Variants in STAU2 observed in about 807,000 individuals in gnomAD.
The protein encoded by STAU2 is staufen double-stranded RNA binding protein 2, also known as double-stranded RNA-binding protein Staufen homolog 2.
A neutral mutation model predicts 65.9 loss-of-function variants in STAU2; 20 were observed. The observed-to-expected ratio is 0.30, with a 90% confidence interval of 0.21 to 0.44. The LOEUF (loss-of-function observed/expected upper bound fraction) is 0.44, where lower values mean the gene tolerates loss of function less well. Ranked by LOEUF, STAU2 falls within the 20% of genes least tolerant of loss-of-function variation. The pLI is 1.00. For missense variants in STAU2, 558 were observed against 683.9 expected (o/e 0.82, Z 2.05); for synonymous variants, 232 against 233.9 (o/e 0.99, Z 0.07).
intron 13 of STAU2, among the ~76,000 whole-genome samples, chr8:73,464,969 C>A (rs1462672652): frequency 6.6e-6 from 1 of 152,176 alleles, no homozygotes; most frequent in Non-Finnish European, 1.5e-5. Flanking sequence ...AGGATGCCAC[C>A]ATTTTCTCAG....
chr8:73,421,397 C>A lies in STAU2; in HGVS notation c.1688G>T (p.Cys563Phe), dbSNP rs896530336. 6.5e-7 allele frequency: 1 copy of A among 1,537,134 alleles called. No homozygotes were observed. The highest frequency in any genetic ancestry group is 1.4e-5 in the African/African-American group (1 of 73,044). ...QAPPGSIAQD[C>F]KKSNSAV ...CTAGACGGCCGAGTTTGATTTCTTG[C>A]AGTCCTGAGCGATGGAGCCCGGGGG... is the stretch of plus-strand genomic sequence containing the variant. Residue 563 changes from cysteine (C) to phenylalanine (F), a missense_variant, in exon 15 of 15, where the codon TGC becomes TTC. By Grantham distance (205) the Cys-to-Phe change is radical. Coordinates refer to ENST00000524300, the MANE Select transcript of STAU2 (RefSeq NM_001164380.2).
intron 10 of STAU2, among the ~76,000 whole-genome samples, chr8:73,596,960 T>C (rs1272502012): frequency 6.6e-6 from 1 of 152,032 alleles, no homozygotes; most frequent in Non-Finnish European, 1.5e-5. Context: ...AAATAATCCA[T>C]GGACATATAT....
At chr8:73,496,604 G>A (rs1290936022) in intron 13 of STAU2, among the ~76,000 whole-genome samples, 1 of 151,568 alleles carries the variant, frequency 6.6e-6, no homozygotes, top group Non-Finnish European at 1.5e-5. Flanking sequence ...ATATAGTGCA[G>A]GCTACATATG....
chr8:73,658,911 T>C (rs1308501725), intron 6 of STAU2, among the ~76,000 whole-genome samples: 1 of 136,888 alleles, frequency 7.3e-6, no homozygotes, highest in Non-Finnish European at 1.6e-5. Flanking sequence ...AAACTCCGTC[T>C]CAAAAAACAA....
At position 73,736,931 on chromosome 8, in the gene STAU2, C is replaced by A. The variant is rs541401113; in HGVS notation, c.-18+1353G>T. Among the ~76,000 whole-genome samples the A allele has an allele frequency of 1.3e-4, 20 of 152,294 alleles. No homozygotes were observed. In the East Asian group the frequency reaches 3.9e-3, roughly 29 times the overall value. The stretch of plus-strand genomic sequence containing the variant: ...CCAGGCTGGAGTGCAGTGGTGTGAT[C>A]TCAGCTCACTGCAACCTCCGTCTGC... On this transcript the variant is annotated intron_variant, in intron 3 of 14. Coordinates refer to ENST00000524300, the MANE Select transcript of STAU2 (RefSeq NM_001164380.2).
chr8:73,421,321 G>T lies in STAU2; in HGVS notation c.*51C>A, dbSNP rs541378678. ...TCCCTGAACACAGACACCCTCATGC[G>T]TGCTGACAGGTTTATAAGGATGCGG... On this transcript the variant is annotated 3_prime_UTR_variant, in exon 15 of 15. Coordinates refer to ENST00000524300, the MANE Select transcript of STAU2 (RefSeq NM_001164380.2). The T allele has an allele frequency of 1.9e-5, 28 of 1,468,514 alleles. No individual in the cohort carries two copies. The South Asian group carries it at 2.2e-4, about 11-fold the overall frequency. 91.0% of individuals were successfully genotyped at this position (1,468,514 alleles called of 1,614,324 possible).
At chr8:73,610,344 C>T (rs1161780528) in intron 9 of STAU2, among the ~76,000 whole-genome samples, 1 of 151,782 alleles carries the variant, frequency 6.6e-6, no homozygotes, top group Non-Finnish European at 1.5e-5. Context: ...CAAGACCAGC[C>T]TGGCCAACAC....
At chr8:73,431,985 T>A (rs1211808800) in intron 13 of STAU2, among the ~76,000 whole-genome samples, 1 of 152,250 alleles carries the variant, frequency 6.6e-6, no homozygotes, top group Non-Finnish European at 1.5e-5. Flanking sequence ...TTGTGACACG[T>A]AGTTCTTTGT....
intron 3 of STAU2, among the ~76,000 whole-genome samples, chr8:73,721,549 C>T (rs1022144273): frequency 6.6e-6 from 1 of 152,116 alleles, no homozygotes; most frequent in Admixed American, 6.5e-5. Context: ...TTTCTCCTTG[C>T]ATTTCTATCA....
chr8:73,433,940 C>A (rs558066166), intron 13 of STAU2, among the ~76,000 whole-genome samples: 1 of 151,860 alleles, frequency 6.6e-6, no homozygotes, highest in Non-Finnish European at 1.5e-5. Context: ...AGAATCGTAG[C>A]GCCCCAGATG....
intron 6 of STAU2, among the ~76,000 whole-genome samples, chr8:73,618,506 G>A (rs1406067822): frequency 6.6e-6 from 1 of 152,144 alleles, no homozygotes; most frequent in Non-Finnish European, 1.5e-5. Context: ...AGTTTAGGGA[G>A]ACAGGAAAAG....
intron 12 of STAU2, among the ~76,000 whole-genome samples, chr8:73,560,633 G>A (rs1020246414): frequency 8.5e-5 from 13 of 152,094 alleles, no homozygotes; most frequent in Admixed American, 4.6e-4. Context: ...CAGTACCAAC[G>A]GGAAAATGCA....
chr8:73,730,590 G>A (rs1805978250), intron 3 of STAU2, among the ~76,000 whole-genome samples: 1 of 152,044 alleles, frequency 6.6e-6, no homozygotes, highest in Non-Finnish European at 1.5e-5. Context: ...AGCTGGGTGT[G>A]GTGGTGGACA....
intron 6 of STAU2, among the ~76,000 whole-genome samples, chr8:73,631,984 G>C (rs1814125384): frequency 6.8e-6 from 1 of 146,470 alleles, no homozygotes; most frequent in South Asian, 2.3e-4. Context: ...GGATAAGGAC[G>C]AGGCAAGAAG....
chr8:73,520,990 C>G (rs576215935), intron 13 of STAU2, among the ~76,000 whole-genome samples: 4 of 152,228 alleles, frequency 2.6e-5, no homozygotes, highest in African/African-American at 9.6e-5. Context: ...ACCTCAAGGG[C>G]AAGGGAATAC....
At chr8:73,496,930 A>T (rs1821453070) in intron 13 of STAU2, among the ~76,000 whole-genome samples, 1 of 151,756 alleles carries the variant, frequency 6.6e-6, no homozygotes, top group African/African-American at 2.4e-5. Flanking sequence ...TTTCAGTTTT[A>T]TAATTTTTAT....
intron 12 of STAU2, among the ~76,000 whole-genome samples, chr8:73,565,990 T>C (rs1351149017): frequency 6.6e-6 from 1 of 152,218 alleles, no homozygotes; most frequent in African/African-American, 2.4e-5. Flanking sequence ...AGAAGTCTAA[T>C]GTTCTGTATT....
At chr8:73,732,885 AG>A (rs1806165911) in intron 3 of STAU2, 1 of 152,174 alleles carries the variant, frequency 6.6e-6, no homozygotes, top group Non-Finnish European at 1.5e-5. Context: ...AATTAATAGC[AG>A]TAGTACCAGC....
At chr8:73,706,590 T>C (rs923925819) in intron 4 of STAU2, among the ~76,000 whole-genome samples, 26 of 152,186 alleles carry the variant, frequency 1.7e-4, no homozygotes, top group Non-Finnish European at 1.6e-4. Context: ...AGGATTAATA[T>C]TAACTATATT....
Sources: allele counts gnomAD v4.1 joint callset (sites outside exome capture counted in the v4.1 genomes callset), GRCh38; gene constraint gnomAD v4.1.1; transcripts MANE v1.5; gene names NCBI Gene and HGNC (gene_info 2026-07-23, HGNC 2026-07-21).